Variants in NCOA3 observed in about 807,000 individuals in gnomAD.
NCOA3 encodes the protein nuclear receptor coactivator 3.
NCOA3 carries 51 observed loss-of-function variants against 158.8 expected under a neutral mutation model. That is an observed-to-expected ratio of 0.32 (90% CI 0.26 to 0.41). NCOA3 has a LOEUF of 0.41. Ranked by LOEUF, NCOA3 falls within the 10% of genes least tolerant of loss-of-function variation. The probability of loss-of-function intolerance (pLI) is 1.00; values close to 1 mark genes in which losing one functional copy is unlikely to be tolerated. For missense variants in NCOA3, 1,510 were observed against 1,746.6 expected (o/e 0.86, Z 2.41); for synonymous variants, 537 against 592.4 (o/e 0.91, Z 1.36).
chr20:47,621,925 C>G (rs576281090), intron 2 of NCOA3, among the ~76,000 whole-genome samples: 1 of 152,094 alleles, frequency 6.6e-6, no homozygotes, highest in Non-Finnish European at 1.5e-5. Context: ...GATCCACCTG[C>G]CTCGACCTCC....
At chr20:47,549,147 G>T (rs986751599) in intron 1 of NCOA3, among the ~76,000 whole-genome samples, 9 of 152,056 alleles carry the variant, frequency 5.9e-5, no homozygotes, top group Non-Finnish European at 1.2e-4. Context: ...AAAAGTGTTA[G>T]ATTACAGTCC....
chr20:47,524,126 C>G (rs1321135313), intron 1 of NCOA3, among the ~76,000 whole-genome samples: 1 of 152,228 alleles, frequency 6.6e-6, no homozygotes, highest in Non-Finnish European at 1.5e-5. Flanking sequence ...CATTTTACTC[C>G]TGTTAAAAGC....
intron 1 of NCOA3, among the ~76,000 whole-genome samples, chr20:47,574,887 GTAGCA>G (rs1315460825): frequency 6.6e-6 from 1 of 152,196 alleles, no homozygotes; most frequent in Non-Finnish European, 1.5e-5. Context: ...CTTGTACATT[GTAGCA>G]GTGAGGATAT....
At chr20:47,536,937 G>A (rs954368251) in intron 1 of NCOA3, among the ~76,000 whole-genome samples, 2 of 151,340 alleles carry the variant, frequency 1.3e-5, no homozygotes, top group African/African-American at 4.9e-5. Context: ...CTGAGTAGCT[G>A]GGATTACAGG....
At chr20:47,623,855 T>C (rs536380926) in intron 3 of NCOA3, 56 bp from the exon 4 acceptor site, 2 of 1,518,878 alleles carry the variant, frequency 1.3e-6, no homozygotes, top group South Asian at 2.4e-5. Context: ...CTAACAGCTC[T>C]TTTGTGATAT....
chr20:47,624,382 G>A (rs899503559), intron 4 of NCOA3, among the ~76,000 whole-genome samples: 10 of 152,168 alleles, frequency 6.6e-5, no homozygotes, highest in African/African-American at 1.9e-4. Context: ...AGATCATTAG[G>A]CATTAGAGAA....
intron 2 of NCOA3, among the ~76,000 whole-genome samples, chr20:47,604,036 G>A (rs1231392580): frequency 1.3e-5 from 2 of 152,174 alleles, no homozygotes; most frequent in African/African-American, 2.4e-5. Flanking sequence ...ATAGGAATTA[G>A]AAAACACAAA....
chr20:47,586,652 C>T (rs935156874), intron 2 of NCOA3, among the ~76,000 whole-genome samples: 5 of 152,142 alleles, frequency 3.3e-5, no homozygotes, highest in Non-Finnish European at 7.3e-5. Flanking sequence ...TATTATTTCT[C>T]TTTGGCCTCC....
intron 8 of NCOA3, chr20:47,630,489 G>A (rs1035172753): frequency 8.0e-6 from 1 of 124,790 alleles, no homozygotes; most frequent in African/African-American, 2.9e-5. Flanking sequence ...TTGAGACGGA[G>A]TCTCGCTCTG....
At chr20:47,552,753 A>C (rs997073560) in intron 1 of NCOA3, among the ~76,000 whole-genome samples, 36 of 152,174 alleles carry the variant, frequency 2.4e-4, no homozygotes, top group African/African-American at 8.7e-4. Context: ...ATGAAAAGAA[A>C]TTCCCCTTTG....
At chr20:47,587,670 T>G (rs2085556607) in intron 2 of NCOA3, among the ~76,000 whole-genome samples, 1 of 152,334 alleles carries the variant, frequency 6.6e-6, no homozygotes, top group African/African-American at 2.4e-5. Context: ...TAAACTGTAT[T>G]TTTTAATTTG....
At chr20:47,591,671 A>G (rs1412049801) in intron 2 of NCOA3, among the ~76,000 whole-genome samples, 4 of 151,244 alleles carry the variant, frequency 2.6e-5, no homozygotes, top group Non-Finnish European at 5.9e-5. Context: ...GGTTCACTGG[A>G]TAGAAAATTC....
chr20:47,548,837 G>A (rs2084880159), intron 1 of NCOA3, among the ~76,000 whole-genome samples: 1 of 152,110 alleles, frequency 6.6e-6, no homozygotes, highest in Admixed American at 6.5e-5. Context: ...GGCACAAGAT[G>A]TGAAATAATA....
chr20:47,549,211 G>A lies in NCOA3; in HGVS notation c.-98-33972G>A, dbSNP rs949254559. On this transcript the variant is annotated intron_variant, in intron 1 of 22. Transcript: ENST00000371998. The stretch of plus-strand genomic sequence containing the variant: ...ATTTTGTATCACCTATGGAGAACAT[G>A]TATTAACTTTGTAATAAAAAAGTTT... 2.6e-5 allele frequency among the ~76,000 whole-genome samples: 4 copies of A among 151,808 alleles called. No homozygotes were observed. The East Asian group carries it at 5.8e-4, about 22-fold the overall frequency.
At chr20:47,531,065 CG>C (rs2084536937) in intron 1 of NCOA3, among the ~76,000 whole-genome samples, 1 of 152,128 alleles carries the variant, frequency 6.6e-6, no homozygotes, top group Admixed American at 6.5e-5. Flanking sequence ...TGGCTGGGTG[CG>C]GTGGCTCACA....
At position 47,638,979 on chromosome 20, in the gene NCOA3, G is replaced by T. The variant is rs768484108; in HGVS notation, c.2513-29G>T. On this transcript the variant is annotated intron_variant, in intron 13 of 22. Coordinates refer to ENST00000371998, the MANE Select transcript of NCOA3 (RefSeq NM_181659.3). ...GATTATTTATATATTAAATCACGAAGAAATGTTTTTGTATTGTGTTTTCAA... is the reference window on the plus strand; with the variant it reads ...GATTATTTATATATTAAATCACGAATAAATGTTTTTGTATTGTGTTTTCAA... The T allele has an allele frequency of 9.1e-6, 14 of 1,532,384 alleles. No homozygotes were observed. The East Asian group carries it at 3.0e-4, about 33-fold the overall frequency. The allele number at this position is 1,532,384 out of a possible 1,614,324, so 94.9% of individuals were successfully genotyped here. A position where few individuals can be genotyped will look rare whatever the true frequency, so the allele number is the denominator to read the frequency against.
intron 1 of NCOA3, among the ~76,000 whole-genome samples, chr20:47,535,920 G>C (rs943719395): frequency 4.6e-5 from 7 of 152,148 alleles, no homozygotes; most frequent in Non-Finnish European, 1.0e-4. Flanking sequence ...CCAGCAGCTG[G>C]ACTCTACTCC....
intron 6 of NCOA3, 58 bp downstream of exon 6, chr20:47,627,234 T>C: frequency 1.5e-6 from 2 of 1,362,696 alleles, no homozygotes; most frequent in Non-Finnish European, 2.0e-6. Flanking sequence ...GACCATTTCT[T>C]AGAAAATTGA....
intron 1 of NCOA3, among the ~76,000 whole-genome samples, chr20:47,510,360 G>C (rs2084098780): frequency 7.3e-6 from 1 of 137,756 alleles, no homozygotes; most frequent in African/African-American, 2.6e-5. Context: ...TTGAACCCTG[G>C]AGGTAGAGGT....
Sources: allele counts gnomAD v4.1 joint callset (sites outside exome capture counted in the v4.1 genomes callset), GRCh38; gene constraint gnomAD v4.1.1; transcripts MANE v1.5; gene names NCBI Gene and HGNC (gene_info 2026-07-23, HGNC 2026-07-21).